Variants in SPIDR observed in about 807,000 individuals in gnomAD.
The protein encoded by SPIDR is DNA repair-scaffolding protein.
Under a neutral mutation model 104.6 loss-of-function variants are expected in SPIDR, and 93 were observed. The observed-to-expected ratio is 0.89, with a 90% CI of 0.75 to 1.06. SPIDR has a LOEUF of 1.06. Ranked by LOEUF, SPIDR falls within the 50% of genes least tolerant of loss-of-function variation. SPIDR has a pLI of 0.00. For synonymous variants in SPIDR, 431 were observed against 416.9 expected (o/e 1.03, Z -0.41); for missense variants, 1,154 against 1,111.2 (o/e 1.04, Z -0.55).
chr8:47,632,241 T>C (rs949790649), intron 10 of SPIDR, among the ~76,000 whole-genome samples: 1 of 152,114 alleles, frequency 6.6e-6, no homozygotes, highest in African/African-American at 2.4e-5. Context: ...GAACTACCAT[T>C]TCATCTTCTT....
intron 8 of SPIDR, among the ~76,000 whole-genome samples, chr8:47,470,889 C>A (rs1444909298): frequency 2.0e-5 from 3 of 152,058 alleles, no homozygotes; most frequent in Non-Finnish European, 2.9e-5. Flanking sequence ...TGCCCGCCAC[C>A]ACGCCCAGCT....
At chr8:47,546,048 A>G (rs1041992963) in intron 8 of SPIDR, among the ~76,000 whole-genome samples, 8 of 152,210 alleles carry the variant, frequency 5.3e-5, no homozygotes, top group African/African-American at 1.4e-4. Flanking sequence ...TTTTACATCT[A>G]TATTCATAAA....
chr8:47,307,702 C>A (rs1165677534), intron 5 of SPIDR, among the ~76,000 whole-genome samples: 1 of 151,786 alleles, frequency 6.6e-6, no homozygotes, highest in African/African-American at 2.4e-5. Flanking sequence ...CCATGCCCGG[C>A]TAATTTTTGT....
At chr8:47,534,122 C>T (rs770050392) in intron 8 of SPIDR, among the ~76,000 whole-genome samples, 2 of 152,232 alleles carry the variant, frequency 1.3e-5, no homozygotes, top group African/African-American at 2.4e-5. Context: ...CATTCTCTCT[C>T]CTGCTGCCCT....
At chr8:47,576,731 G>A (rs1157384411) in intron 8 of SPIDR, among the ~76,000 whole-genome samples, 1 of 152,218 alleles carries the variant, frequency 6.6e-6, no homozygotes, top group Non-Finnish European at 1.5e-5. Flanking sequence ...ACCACACCTG[G>A]CCATAAATAT....
intron 7 of SPIDR, chr8:47,419,282 G>C (rs1331480496): frequency 2.6e-5 from 4 of 152,090 alleles, no homozygotes; most frequent in Admixed American, 6.6e-5. Flanking sequence ...ATTAATTATT[G>C]CCTCAATTTC....
Position 47,333,977 on chromosome 8 carries a change from T to G in SPIDR, c.525+39947T>G, listed in dbSNP as rs544955158. Reference sequence around the variant, plus strand: ...CTACATCCCACAAATTTTGGTAAGTTGTGTATTATTTTCATATAGTTGAAA... The same window carrying G: ...CTACATCCCACAAATTTTGGTAAGTGGTGTATTATTTTCATATAGTTGAAA... On this transcript the variant is annotated intron_variant, in intron 5 of 19. Transcript: ENST00000297423. 1.4e-4 allele frequency among the ~76,000 whole-genome samples: 22 copies of G among 152,354 alleles called. No homozygotes were observed. The East Asian group carries it at 4.2e-3, about 29-fold the overall frequency.
In SPIDR at chr8:47,615,891, A is replaced by G. The variant is rs527521350; in HGVS notation, c.1544+16695A>G. On this transcript the variant is annotated intron_variant, in intron 10 of 19. Transcript: ENST00000297423. ...AAATGTTTTGGAGTTTTCATTGTAC[A>G]AGTCTTATATTTCCTTATTTACATT... Among the ~76,000 whole-genome samples, 20 of 152,228 alleles carry G rather than the reference A, an allele frequency of 1.3e-4. No homozygotes were observed. The South Asian group carries it at 3.7e-3, about 28-fold the overall frequency.
intron 16 of SPIDR, among the ~76,000 whole-genome samples, 183 bp from the exon 17 acceptor site, chr8:47,727,017 A>C (rs760909702): frequency 1.3e-5 from 2 of 152,222 alleles, no homozygotes; most frequent in Admixed American, 6.5e-5. Context: ...CGTACTTCTT[A>C]TTGTTATAAT....
At chr8:47,605,493 A>G (rs1186660939) in intron 10 of SPIDR, among the ~76,000 whole-genome samples, 1 of 152,212 alleles carries the variant, frequency 6.6e-6, no homozygotes, top group African/African-American at 2.4e-5. Context: ...AAAGAACTGC[A>G]ATGAGGGCAT....
At chr8:47,672,960 A>T (rs1489660964) in intron 10 of SPIDR, among the ~76,000 whole-genome samples, 1 of 152,220 alleles carries the variant, frequency 6.6e-6, no homozygotes, top group Non-Finnish European at 1.5e-5. Flanking sequence ...CCAAGGCAGC[A>T]CTTAAGGCTC....
chr8:47,325,060 C>G (rs1480651907), intron 5 of SPIDR, among the ~76,000 whole-genome samples: 1 of 152,092 alleles, frequency 6.6e-6, no homozygotes, highest in East Asian at 1.9e-4. Context: ...TATTTAAAGA[C>G]CTTATCTCTA....
chr8:47,735,101 T>TGG (rs2086013282), intron 19 of SPIDR, among the ~76,000 whole-genome samples: 3 of 144,924 alleles, frequency 2.1e-5, no homozygotes, highest in African/African-American at 5.3e-5. Context: ...TGTGGGTGTG[T>TGG]GTGTGTGTGG....
intron 7 of SPIDR, among the ~76,000 whole-genome samples, chr8:47,428,965 T>C (rs1410260855): frequency 2.6e-5 from 4 of 152,212 alleles, no homozygotes; most frequent in African/African-American, 4.8e-5. Flanking sequence ...GTTATATCCT[T>C]ACCCACGTTT....
At chr8:47,439,541 T>C (rs1554694854) in intron 7 of SPIDR, among the ~76,000 whole-genome samples, 1 of 152,220 alleles carries the variant, frequency 6.6e-6, no homozygotes, top group Non-Finnish European at 1.5e-5. Flanking sequence ...TCTACTCTTA[T>C]AAACAACGCT....
At position 47,735,223 on chromosome 8, in the gene SPIDR, C is replaced by T. The variant is rs938376932; in HGVS notation, c.2605-84C>T. ...CGTGGACTGGGGAAAGGGCCTTCCACTCTGGCTCTCTGGTTTTCCGTGTTG... is the reference window on the plus strand; with the variant it reads ...CGTGGACTGGGGAAAGGGCCTTCCATTCTGGCTCTCTGGTTTTCCGTGTTG... On this transcript the variant is annotated intron_variant, in intron 19 of 19. Coordinates refer to ENST00000297423, the MANE Select transcript of SPIDR (RefSeq NM_001080394.4). The T allele has an allele frequency of 8.0e-6, 11 of 1,379,152 alleles. No individual in the cohort carries two copies. The African/African-American group carries it at 1.4e-4, about 18-fold the overall frequency. The allele number at this position is 1,379,152 out of a possible 1,614,324, so 85.4% of individuals were successfully genotyped here.
At chr8:47,714,486 T>A (rs1210152856) in intron 16 of SPIDR, among the ~76,000 whole-genome samples, 3 of 152,164 alleles carry the variant, frequency 2.0e-5, no homozygotes, top group Admixed American at 1.3e-4. Flanking sequence ...GAGCTGAAAA[T>A]AGCATTATTA....
rs2041605078 is a variant in SPIDR, at chr8:47,299,495, G to C, written c.525+5465G>C. Among the ~76,000 whole-genome samples the C allele has an allele frequency of 2.0e-5, 3 of 152,274 alleles. No homozygotes were observed. In the South Asian group the frequency reaches 6.2e-4, roughly 32 times the overall value. On this transcript the variant is annotated intron_variant, in intron 5 of 19. Transcript: ENST00000297423. ...AGAACTTCCAACACTATGTTGAATA[G>C]GAGTGGTGAGAGAGGGCATCCCTGT...
At chr8:47,443,828 T>C (rs1206495180) in intron 8 of SPIDR, among the ~76,000 whole-genome samples, 2 of 151,954 alleles carry the variant, frequency 1.3e-5, no homozygotes, top group East Asian at 1.9e-4. Flanking sequence ...GTAATAAATA[T>C]GAGTTTAGGT....
Sources: allele counts gnomAD v4.1 joint callset (sites outside exome capture counted in the v4.1 genomes callset), GRCh38; gene constraint gnomAD v4.1.1; transcripts MANE v1.5; gene names NCBI Gene and HGNC (gene_info 2026-07-23, HGNC 2026-07-21).